Variants in GPC5 observed in about 807,000 individuals in gnomAD.
GPC5 encodes glypican 5.
Under a neutral mutation model 53.9 loss-of-function variants are expected in GPC5, and 47 were observed. The observed-to-expected ratio is 0.87, with a 90% confidence interval of 0.69 to 1.11. The LOEUF (loss-of-function observed/expected upper bound fraction) is 1.11. Ranked by LOEUF, GPC5 falls within the 50% of genes most tolerant of loss-of-function variation. The pLI, the probability that GPC5 is intolerant of heterozygous loss-of-function variation, is 0.00. For missense variants in GPC5, 748 were observed against 713.1 expected (o/e 1.05, Z -0.56); for synonymous variants, 286 against 263.3 (o/e 1.09, Z -0.84).
At chr13:91,817,783 A>T (rs770940190) in intron 5 of GPC5, among the ~76,000 whole-genome samples, 5 of 152,174 alleles carry the variant, frequency 3.3e-5, no homozygotes, top group Non-Finnish European at 7.4e-5. Context: ...CCCCAAAATA[A>T]AATTCTGCAA....
chr13:92,347,351 A>G (rs949176357), intron 7 of GPC5, among the ~76,000 whole-genome samples: 1 of 152,190 alleles, frequency 6.6e-6, no homozygotes, highest in African/African-American at 2.4e-5. Context: ...TCTCAGGAGA[A>G]ACACTGCAGG....
chr13:92,081,448 A>G (rs1206416370), intron 6 of GPC5, among the ~76,000 whole-genome samples: 3 of 152,224 alleles, frequency 2.0e-5, no homozygotes, highest in African/African-American at 7.2e-5. Flanking sequence ...CTAAGACATA[A>G]TAACTGTTGA....
chr13:92,792,917 C>A (rs1409417628), intron 7 of GPC5, among the ~76,000 whole-genome samples: 1 of 152,100 alleles, frequency 6.6e-6, no homozygotes, highest in Non-Finnish European at 1.5e-5. Context: ...GAGACTTAGA[C>A]TCCCACACAA....
At chr13:91,603,907 C>G (rs2033263366) in intron 2 of GPC5, among the ~76,000 whole-genome samples, 1 of 151,218 alleles carries the variant, frequency 6.6e-6, no homozygotes. Flanking sequence ...CAATTACCCT[C>G]TCCCTTTCTA....
At chr13:92,123,734 C>G (rs2138949446) in intron 6 of GPC5, among the ~76,000 whole-genome samples, 1 of 152,176 alleles carries the variant, frequency 6.6e-6, no homozygotes, top group South Asian at 2.1e-4. Flanking sequence ...TATGAATGCC[C>G]TATACATTTC....
intron 2 of GPC5, among the ~76,000 whole-genome samples, chr13:91,530,817 A>G (rs1008659762): frequency 1.3e-5 from 2 of 152,206 alleles, no homozygotes; most frequent in African/African-American, 4.8e-5. Flanking sequence ...TTTCATTTAT[A>G]TCAATATATT....
chr13:92,294,430 G>A (rs1463693141), intron 7 of GPC5, among the ~76,000 whole-genome samples: 2 of 152,052 alleles, frequency 1.3e-5, no homozygotes, highest in Admixed American at 6.6e-5. Context: ...AAGCTAGGAG[G>A]GTTGTATCTT....
At chr13:92,819,538 G>A (rs188341170) in intron 7 of GPC5, among the ~76,000 whole-genome samples, 39 of 152,122 alleles carry the variant, frequency 2.6e-4, no homozygotes, top group African/African-American at 7.5e-4. Context: ...AACATCTTTC[G>A]GCTCTAATAG....
chr13:92,410,376 C>T (rs996488473), intron 7 of GPC5, among the ~76,000 whole-genome samples: 1 of 152,174 alleles, frequency 6.6e-6, no homozygotes, highest in Non-Finnish European at 1.5e-5. Context: ...TTACTTCAAT[C>T]TGTTGCCTAA....
chr13:91,525,304 T>G (rs1886034743), intron 2 of GPC5, among the ~76,000 whole-genome samples: 1 of 152,224 alleles, frequency 6.6e-6, no homozygotes, highest in Admixed American at 6.5e-5. Context: ...AGGAAGATGT[T>G]TATATGACAA....
At chr13:91,487,862 A>G (rs1488000171) in intron 2 of GPC5, among the ~76,000 whole-genome samples, 1 of 151,866 alleles carries the variant, frequency 6.6e-6, no homozygotes, top group African/African-American at 2.4e-5. Context: ...CCTACCAAAT[A>G]TAGTAAGCAG....
intron 7 of GPC5, among the ~76,000 whole-genome samples, chr13:92,681,369 A>T (rs1279438024): frequency 6.6e-6 from 1 of 151,106 alleles, no homozygotes; most frequent in Non-Finnish European, 1.5e-5. Context: ...GAGTGCCCCA[A>T]CCCAATCTCT....
At chr13:91,478,795 T>TTTTATATATA (rs1883090182) in intron 2 of GPC5, among the ~76,000 whole-genome samples, 1 of 55,394 alleles carries the variant, frequency 1.8e-5, no homozygotes, top group Non-Finnish European at 3.3e-5. Context: ...CCATTTGAGT[T>TTTTATATATA]TATATATATA....
chr13:92,039,999 G>T (rs2040929223), intron 6 of GPC5, among the ~76,000 whole-genome samples: 1 of 152,144 alleles, frequency 6.6e-6, no homozygotes, highest in Non-Finnish European at 1.5e-5. Context: ...GCTCTGCCAA[G>T]GGGACTGATT....
chr13:92,778,980 CACACACACAT>C (rs1195510767), intron 7 of GPC5, among the ~76,000 whole-genome samples: 1 of 151,864 alleles, frequency 6.6e-6, no homozygotes, highest in East Asian at 1.9e-4. Context: ...CACACACACA[CACACACACAT>C]ATATATATAT....
intron 2 of GPC5, among the ~76,000 whole-genome samples, chr13:91,636,856 G>C (rs1032074604): frequency 4.9e-4 from 74 of 152,116 alleles, no homozygotes; most frequent in African/African-American, 1.7e-3. Flanking sequence ...AACTCTGTAG[G>C]CTGAGATAGG....
chr13:92,299,550 T>C (rs2043061106), intron 7 of GPC5, among the ~76,000 whole-genome samples: 2 of 152,184 alleles, frequency 1.3e-5, no homozygotes, highest in African/African-American at 2.4e-5. Flanking sequence ...AACATATTTC[T>C]GTCATTACAA....
intron 5 of GPC5, among the ~76,000 whole-genome samples, chr13:91,768,917 A>G (rs2037572525): frequency 1.3e-5 from 2 of 152,216 alleles, no homozygotes; most frequent in Admixed American, 1.3e-4. Context: ...GAGCCACAGC[A>G]TAAACATCAC....
At chr13:92,710,167 G>A (rs1019022057) in intron 7 of GPC5, among the ~76,000 whole-genome samples, 4 of 152,090 alleles carry the variant, frequency 2.6e-5, no homozygotes, top group Admixed American at 2.6e-4. Flanking sequence ...TCCTATCATA[G>A]TTATATAGGG....
Sources: allele counts gnomAD v4.1 joint callset (sites outside exome capture counted in the v4.1 genomes callset), GRCh38; gene constraint gnomAD v4.1.1; transcripts MANE v1.5; gene names NCBI Gene and HGNC (gene_info 2026-07-23, HGNC 2026-07-21).